Variants in SLC25A20 observed in about 807,000 individuals in gnomAD.
The protein encoded by SLC25A20 is solute carrier family 25 member 20.
In SLC25A20, 29 loss-of-function variants were observed where a neutral mutation model predicts 39.7. That is an observed-to-expected ratio of 0.73 (90% CI 0.54 to 1.00). The LOEUF is 1.00. Among genes scored for constraint, SLC25A20 ranks in the 50% least tolerant of loss-of-function variants. SLC25A20 has a pLI of 0.00. For missense variants in SLC25A20, 333 were observed against 379.9 expected, an observed-to-expected ratio of 0.88 and a Z score of 1.03; for synonymous variants, 103 against 142.2, an observed-to-expected ratio of 0.72 and a Z score of 1.96.
At position 48,859,572 on chromosome 3, in the gene SLC25A20, G is replaced by A. The variant is rs763785979; in HGVS notation, c.591C>T (p.Phe197=). ...FMTYEWLKNI[F]TPEGKRVSEL... is the part of the protein sequence containing the mutation. ...TTCCTCACCTCTTTCCCTCCGGAGT[G>A]AAGATATTTTTCAGCCATTCATATG... The change falls in exon 6 of 9, where the codon TTC becomes TTT. Residue 197 remains phenylalanine (F), a synonymous_variant. Transcript: ENST00000319017. 14 of 1,613,832 alleles carry A rather than the reference G, an allele frequency of 8.7e-6. No homozygotes were observed. The African/African-American group carries it at 1.6e-4, about 18-fold the overall frequency.
intron 1 of SLC25A20, among the ~76,000 whole-genome samples, chr3:48,896,050 G>T (rs2083907746): frequency 1.3e-5 from 2 of 149,704 alleles, no homozygotes; most frequent in Non-Finnish European, 3.0e-5. Context: ...TGAGGCAAAA[G>T]AATTGCTTGA....
At chr3:48,884,360 T>C (rs1381711624) in intron 2 of SLC25A20, among the ~76,000 whole-genome samples, 1 of 151,946 alleles carries the variant, frequency 6.6e-6, no homozygotes, top group Non-Finnish European at 1.5e-5. Context: ...TTTGGGGGCT[T>C]TTTTTTTCAG....
At chr3:48,894,970 A>G (rs1305713231) in intron 1 of SLC25A20, among the ~76,000 whole-genome samples, 1 of 151,928 alleles carries the variant, frequency 6.6e-6, no homozygotes. Flanking sequence ...GGCATGTGCC[A>G]CCACTCCCGG....
chr3:48,897,926 G>A (rs1200525560), intron 1 of SLC25A20, among the ~76,000 whole-genome samples: 1 of 152,200 alleles, frequency 6.6e-6, no homozygotes, highest in African/African-American at 2.4e-5. Flanking sequence ...CCCAAGCAAA[G>A]CATTAATGAA....
intron 4 of SLC25A20, among the ~76,000 whole-genome samples, chr3:48,870,717 C>T (rs1212896246): frequency 6.6e-6 from 1 of 151,276 alleles, no homozygotes; most frequent in Non-Finnish European, 1.5e-5. Flanking sequence ...CGCTATATTG[C>T]CCAGGCTGGT....
chr3:48,887,081 T>G (rs1250908524), intron 2 of SLC25A20, among the ~76,000 whole-genome samples: 1 of 152,120 alleles, frequency 6.6e-6, no homozygotes, highest in African/African-American at 2.4e-5. Context: ...ACAGAGGCAG[T>G]AAATGGGAAA....
chr3:48,872,948 G>C (rs1246338501), intron 4 of SLC25A20, among the ~76,000 whole-genome samples: 2 of 152,104 alleles, frequency 1.3e-5, no homozygotes, highest in Non-Finnish European at 2.9e-5. Context: ...GAAGGCCCGG[G>C]TACGGTGGCT....
chr3:48,892,736 A>G (rs1277494361), intron 1 of SLC25A20, among the ~76,000 whole-genome samples: 1 of 152,188 alleles, frequency 6.6e-6, no homozygotes, highest in African/African-American at 2.4e-5. Flanking sequence ...AGCTTTAATC[A>G]GTCCACAGAT....
intron 4 of SLC25A20, among the ~76,000 whole-genome samples, chr3:48,875,141 T>C (rs2083746030): frequency 6.6e-6 from 1 of 151,494 alleles, no homozygotes; most frequent in African/African-American, 2.4e-5. Context: ...TCTTGCTCTG[T>C]TGCCCAGGCT....
At chr3:48,868,367 A>G (rs570176631) in intron 4 of SLC25A20, among the ~76,000 whole-genome samples, 1 of 152,302 alleles carries the variant, frequency 6.6e-6, no homozygotes, top group East Asian at 1.9e-4. Context: ...GGACAAAGCC[A>G]CTGAACACAA....
intron 2 of SLC25A20, 127 bp downstream of exon 2, chr3:48,891,853 G>C (rs1437316129): frequency 1.2e-6 from 1 of 804,782 alleles, no homozygotes; most frequent in African/African-American, 1.7e-5. Flanking sequence ...GTGGCGTGGT[G>C]AAGGAGCGGC....
intron 4 of SLC25A20, among the ~76,000 whole-genome samples, chr3:48,868,354 G>A (rs529993903): frequency 9.2e-5 from 14 of 152,176 alleles, no homozygotes; most frequent in African/African-American, 2.4e-4. Context: ...GGAAAAGAGC[G>A]ATGGACAAAG....
chr3:48,860,834 CT>C (rs780743103), intron 5 of SLC25A20, among the ~76,000 whole-genome samples: 93 of 134,308 alleles, frequency 6.9e-4, no homozygotes, highest in East Asian at 3.0e-3. Context: ...TATTACTTTA[CT>C]TTTTTTTTTT....
At position 48,898,841 on chromosome 3, in the gene SLC25A20, G is replaced by C; in HGVS notation, c.-47C>G. ...GTCTGTCAGTTCTCGGGCCGTCCTG[G>C]CTTCTCAGCCCCAGCTGCAGTGCCG... is the stretch of plus-strand genomic sequence containing the variant. On this transcript the variant is annotated 5_prime_UTR_variant, in exon 1 of 9. Coordinates refer to ENST00000319017, the MANE Select transcript of SLC25A20 (RefSeq NM_000387.6). 10 of 1,529,218 alleles carry C rather than the reference G, an allele frequency of 6.5e-6. No homozygotes were observed. Among genetic ancestry groups the C allele is most frequent in the Non-Finnish European group, 8.9e-6 (10 of 1,127,366 alleles). 94.7% of individuals were successfully genotyped at this position (1,529,218 alleles called of 1,614,324 possible).
intron 1 of SLC25A20, 88 bp downstream of exon 1, chr3:48,898,602 T>C: frequency 8.2e-7 from 1 of 1,223,150 alleles, no homozygotes; most frequent in Non-Finnish European, 1.2e-6. Context: ...GCCCCTCTTC[T>C]GCCCAGCGTC....
chr3:48,884,739 C>G (rs1267136910), intron 2 of SLC25A20, among the ~76,000 whole-genome samples: 1 of 151,930 alleles, frequency 6.6e-6, no homozygotes, highest in Non-Finnish European at 1.5e-5. Flanking sequence ...GGGAAATACT[C>G]AGAGGTGTAA....
intron 1 of SLC25A20, among the ~76,000 whole-genome samples, chr3:48,897,367 ATTTT>A (rs869090435): frequency 3.6e-5 from 3 of 83,720 alleles, no homozygotes; most frequent in Admixed American, 2.7e-4. Flanking sequence ...ATATATATAT[ATTTT>A]TTTTTTTTTT....
At chr3:48,858,790 T>C in intron 7 of SLC25A20, 159 bp from the exon 8 acceptor site, 5 of 852,784 alleles carry the variant, frequency 5.9e-6, no homozygotes, top group East Asian at 2.6e-5. Flanking sequence ...CACAAATGCC[T>C]GAATTACTTG....
intron 2 of SLC25A20, among the ~76,000 whole-genome samples, chr3:48,891,041 G>C (rs1264036041): frequency 6.6e-6 from 1 of 151,972 alleles, no homozygotes; most frequent in Non-Finnish European, 1.5e-5. Context: ...TGGTCCCCCC[G>C]GCCCAGCTGT....
Sources: allele counts gnomAD v4.1 joint callset (sites outside exome capture counted in the v4.1 genomes callset), GRCh38; gene constraint gnomAD v4.1.1; transcripts MANE v1.5; gene names NCBI Gene and HGNC (gene_info 2026-07-23, HGNC 2026-07-21).